Variants in DOCK1 observed in about 807,000 individuals in gnomAD.
The protein encoded by DOCK1 is dedicator of cytokinesis protein 1.
Under a neutral mutation model 262.7 loss-of-function variants are expected in DOCK1, and 138 were observed. The ratio of observed to expected loss-of-function variants is 0.53; its 90% CI spans 0.46 to 0.61. The LOEUF is 0.61. DOCK1 is among the 20% of genes least tolerant of loss of function. The probability of loss-of-function intolerance (pLI) is 0.00; values close to 1 mark genes in which losing one functional copy is unlikely to be tolerated. For synonymous variants in DOCK1, 866 were observed against 867.4 expected, an observed-to-expected ratio of 1.00 and a Z score of 0.03; for missense variants, 1,908 against 2,370.7, an observed-to-expected ratio of 0.80 and a Z score of 4.05.
chr10:126,933,277 C>T (rs994364445), intron 1 of DOCK1, among the ~76,000 whole-genome samples: 10 of 152,300 alleles, frequency 6.6e-5, no homozygotes, highest in South Asian at 4.1e-4. Flanking sequence ...ATGCCTACAG[C>T]GGCAGCCTCT....
chr10:127,011,623 G>A (rs1591638670), intron 11 of DOCK1, among the ~76,000 whole-genome samples: 1 of 152,164 alleles, frequency 6.6e-6, no homozygotes, highest in African/African-American at 2.4e-5. Flanking sequence ...CCCTGAAAAC[G>A]TGGGTGGTCT....
intron 9 of DOCK1, 68 bp downstream of exon 9, chr10:126,999,503 T>G: frequency 2.2e-6 from 3 of 1,363,244 alleles, no homozygotes; most frequent in Non-Finnish European, 3.1e-6. Context: ...GCCATTTCTG[T>G]CTGCCTTCCT....
Position 127,176,119 on chromosome 10 carries a change from G to T in DOCK1, c.2847+48355G>T. The T allele has an allele frequency of 1.2e-6, 2 of 1,614,130 alleles. No individual in the cohort carries two copies. The highest frequency in any genetic ancestry group is 1.1e-5 in the South Asian group (1 of 91,088). On this transcript the variant is annotated intron_variant, in intron 27 of 51. Coordinates refer to ENST00000623213, the MANE Select transcript of DOCK1 (RefSeq NM_001290223.2). The surrounding 1 kb of genome is among the most constrained non-coding windows in gnomAD (Gnocchi z 4.4). ...TTGGTGACGTTGGGGATGGACCTGCGTGCGGGCACTGTCATGTATTTGCGG... is the reference window on the plus strand; with the variant it reads ...TTGGTGACGTTGGGGATGGACCTGCTTGCGGGCACTGTCATGTATTTGCGG...
intron 26 of DOCK1, among the ~76,000 whole-genome samples, chr10:127,127,395 A>G (rs1203696024): frequency 5.3e-5 from 8 of 152,190 alleles, no homozygotes; most frequent in Admixed American, 3.9e-4. Flanking sequence ...TAAACATTAT[A>G]TTGTTTAAAC....
chr10:126,993,658 C>T (rs148973321), intron 6 of DOCK1, among the ~76,000 whole-genome samples: 6 of 152,324 alleles, frequency 3.9e-5, no homozygotes, highest in African/African-American at 1.2e-4. Context: ...GCAGCCACTG[C>T]GGCTGTTTTC....
rs796332433 is a variant in DOCK1, at chr10:127,042,335, C to A, written c.2011-290C>A. On this transcript the variant is annotated intron_variant, in intron 19 of 51. Transcript: ENST00000623213. ...TTGCCATTCAGCGCTTTGTCACCAG[C>A]CTTATGAAAACCGGAAAGAGGGTTG... is the stretch of plus-strand genomic sequence containing the variant. Among the ~76,000 whole-genome samples the A allele has an allele frequency of 2.2e-4, 34 of 152,302 alleles. 2 individuals carry two copies. The highest frequency in any genetic ancestry group is 7.9e-4 in the African/African-American group (33 of 41,562).
intron 23 of DOCK1, among the ~76,000 whole-genome samples, chr10:127,086,642 A>G (rs549611012): frequency 6.6e-6 from 1 of 152,296 alleles, no homozygotes; most frequent in East Asian, 1.9e-4. Context: ...TATTATTTAA[A>G]TGGGTGATTG....
intron 23 of DOCK1, among the ~76,000 whole-genome samples, chr10:127,079,164 A>G (rs1444597995): frequency 6.6e-6 from 1 of 152,182 alleles, no homozygotes; most frequent in Admixed American, 6.5e-5. Context: ...GAACATCTCC[A>G]TCACCAGTCT....
intron 31 of DOCK1, among the ~76,000 whole-genome samples, chr10:127,349,412 G>A (rs1241165500): frequency 6.6e-6 from 1 of 151,984 alleles, no homozygotes; most frequent in Non-Finnish European, 1.5e-5. Flanking sequence ...CAAGCTTTTT[G>A]GTGTCTGCTC....
chr10:127,363,011 CCCCACA>C (rs1233167157), intron 33 of DOCK1, among the ~76,000 whole-genome samples: 1 of 103,982 alleles, frequency 9.6e-6, no homozygotes. Flanking sequence ...ACACGCACAT[CCCCACA>C]CACACACACA....
intron 29 of DOCK1, among the ~76,000 whole-genome samples, chr10:127,335,338 TG>T (rs2063144495): frequency 6.6e-6 from 1 of 152,194 alleles, no homozygotes; most frequent in Non-Finnish European, 1.5e-5. Context: ...AATTGCCTGC[TG>T]GGCAAAGGAC....
At chr10:127,096,124 A>C (rs2047895914) in intron 23 of DOCK1, among the ~76,000 whole-genome samples, 1 of 152,208 alleles carries the variant, frequency 6.6e-6, no homozygotes, top group Non-Finnish European at 1.5e-5. Context: ...ATAAGATATA[A>C]GGGATTGAAG....
chr10:127,275,467 C>T (rs565366138), intron 29 of DOCK1, among the ~76,000 whole-genome samples: 4 of 152,216 alleles, frequency 2.6e-5, no homozygotes, highest in East Asian at 3.9e-4. Flanking sequence ...TGGCTGTGGG[C>T]GTTCATTGGG....
intron 38 of DOCK1, among the ~76,000 whole-genome samples, chr10:127,397,084 CTA>C (rs1445424083): frequency 1.5e-5 from 2 of 131,762 alleles, no homozygotes; most frequent in Admixed American, 7.3e-5. Flanking sequence ...GCAGCGACTC[CTA>C]TGTGATCTGA....
intron 27 of DOCK1, among the ~76,000 whole-genome samples, chr10:127,162,364 A>C (rs542892331): frequency 7.2e-5 from 11 of 152,308 alleles, no homozygotes; most frequent in African/African-American, 2.4e-4. Flanking sequence ...ATATATCTCT[A>C]AGAACATGAT....
intron 29 of DOCK1, among the ~76,000 whole-genome samples, chr10:127,262,205 TG>T (rs2060192692): frequency 2.1e-5 from 2 of 95,502 alleles, no homozygotes; most frequent in Non-Finnish European, 4.6e-5. Flanking sequence ...TGCTCATCTG[TG>T]TGTGTGCGTG....
intron 5 of DOCK1, among the ~76,000 whole-genome samples, chr10:126,989,508 G>A (rs1377076666): frequency 4.6e-5 from 7 of 151,942 alleles, no homozygotes; most frequent in African/African-American, 1.7e-4. Context: ...TTTAATTTTT[G>A]AAGAGATGAG....
chr10:127,038,369 G>A (rs537370335), intron 19 of DOCK1, among the ~76,000 whole-genome samples: 36 of 152,272 alleles, frequency 2.4e-4, no homozygotes, highest in African/African-American at 6.3e-4. Context: ...TGGGTTCTGC[G>A]TCCTCTTCCC....
chr10:127,317,094 T>G (rs1238632954), intron 29 of DOCK1, among the ~76,000 whole-genome samples: 1 of 152,236 alleles, frequency 6.6e-6, no homozygotes, highest in African/African-American at 2.4e-5. Context: ...GAGACTTTGC[T>G]GACAGTTTTT....
Sources: allele counts gnomAD v4.1 joint callset (sites outside exome capture counted in the v4.1 genomes callset), GRCh38; gene constraint gnomAD v4.1.1; non-coding constraint Gnocchi (gnomAD v3.1); transcripts MANE v1.5; gene names NCBI Gene and HGNC (gene_info 2026-07-23, HGNC 2026-07-21).